The following DRAM1 variants were observed in gnomAD, a reference collection of about 807,000 sequenced individuals.
DRAM1 encodes DNA damage regulated autophagy modulator 1.
DRAM1 carries 25 observed loss-of-function variants against 28.5 expected under a neutral mutation model. That is an observed-to-expected ratio of 0.88 (90% CI 0.64 to 1.23). DRAM1 has a LOEUF of 1.23. Ranked by LOEUF, DRAM1 falls within the 50% of genes most tolerant of loss-of-function variation. The pLI, the probability that DRAM1 is intolerant of heterozygous loss-of-function variation, is 0.00. For missense variants in DRAM1, 249 were observed against 299.2 expected, an observed-to-expected ratio of 0.83 and a Z score of 1.24; for synonymous variants, 113 against 114.2, an observed-to-expected ratio of 0.99 and a Z score of 0.07.
chr12:101,915,771 A>G (rs1874217252), intron 5 of DRAM1, among the ~76,000 whole-genome samples: 1 of 152,094 alleles, frequency 6.6e-6, no homozygotes, highest in African/African-American at 2.4e-5. Flanking sequence ...CGTGTTAGCC[A>G]GGATGGTCTT....
intron 1 of DRAM1, among the ~76,000 whole-genome samples, chr12:101,893,910 G>A (rs561747847): frequency 6.9e-6 from 1 of 144,898 alleles, no homozygotes; most frequent in African/African-American, 2.8e-5. Flanking sequence ...CCCTTCACCT[G>A]TATGTTTTTT....
intron 5 of DRAM1, among the ~76,000 whole-genome samples, chr12:101,914,554 C>T (rs1243196838): frequency 6.6e-6 from 1 of 150,400 alleles, no homozygotes; most frequent in African/African-American, 2.5e-5. Context: ...GCAATCTCAG[C>T]TTACTGCAAC....
At chr12:101,881,960 T>A (rs1872700267) in intron 1 of DRAM1, among the ~76,000 whole-genome samples, 1 of 152,192 alleles carries the variant, frequency 6.6e-6, no homozygotes, top group African/African-American at 2.4e-5. Context: ...ATTTCTTGGG[T>A]ACTCACTCTT....
chr12:101,914,086 A>G, intron 4 of DRAM1, 88 bp from the exon 5 acceptor site: 1 of 774,990 alleles, frequency 1.3e-6, no homozygotes, highest in Non-Finnish European at 1.9e-6. Context: ...ACACCTTATA[A>G]TGATTATGTT....
chr12:101,919,284 G>GCACACA (rs545205706), intron 5 of DRAM1, among the ~76,000 whole-genome samples: 1 of 147,518 alleles, frequency 6.8e-6, no homozygotes, highest in Non-Finnish European at 1.5e-5. Context: ...ACACACACAC[G>GCACACA]CACACACACA....
chr12:101,880,078 C>T lies in DRAM1; in HGVS notation c.131+2158C>T, dbSNP rs148058612. On this transcript the variant is annotated intron_variant, in intron 1 of 6. Coordinates refer to ENST00000258534, the MANE Select transcript of DRAM1 (RefSeq NM_018370.3). The stretch of plus-strand genomic sequence containing the variant: ...TTGTTTGTTTTTTCAGACAAAGTCT[C>T]GCTCTGTTGCCCAGTCTGTGGTGTG... Among the ~76,000 whole-genome samples the T allele has an allele frequency of 2.6e-3, 395 of 151,792 alleles. 1 individual carries two copies. The highest frequency in any genetic ancestry group is 8.5e-3 in the African/African-American group (353 of 41,418).
chr12:101,907,199 CA>C (rs397965756), intron 3 of DRAM1, among the ~76,000 whole-genome samples: 154 of 85,148 alleles, frequency 1.8e-3, no homozygotes, highest in Middle Eastern at 6.4e-3. Flanking sequence ...GACCCTGTCT[CA>C]AAAAAAAAAA....
intron 1 of DRAM1, among the ~76,000 whole-genome samples, chr12:101,885,933 C>T (rs546120596): frequency 6.6e-6 from 1 of 152,278 alleles, no homozygotes; most frequent in East Asian, 1.9e-4. Flanking sequence ...GGTTTGTCCA[C>T]AGCATTTGTG....
At position 101,877,605 on chromosome 12, in the gene DRAM1, C is replaced by A. The variant is rs1594285874; in HGVS notation, c.-185C>A. The A allele has an allele frequency of 3.0e-6, 1 of 333,674 alleles. No homozygotes were observed. The highest frequency in any genetic ancestry group is 5.2e-6 in the Non-Finnish European group (1 of 192,746). 20.7% of individuals were successfully genotyped at this position (333,674 alleles called of 1,614,324 possible). On this transcript the variant is annotated 5_prime_UTR_variant, in exon 1 of 7. Transcript: ENST00000258534. The surrounding 1 kb of genome is among the most constrained non-coding windows in gnomAD (Gnocchi z 4.1). Reference sequence around the variant, plus strand: ...ACTCTGGCCCGGCAGCCTCGCCGCCCGCAGCCTCGCTCCGCTCCTCGCGCT... The same window carrying A: ...ACTCTGGCCCGGCAGCCTCGCCGCCAGCAGCCTCGCTCCGCTCCTCGCGCT...
intron 5 of DRAM1, among the ~76,000 whole-genome samples, chr12:101,916,517 C>T (rs192524545): frequency 1.4e-4 from 22 of 152,094 alleles, no homozygotes; most frequent in Non-Finnish European, 1.2e-4. Context: ...ACATTTTGGA[C>T]CAAGCATCAG....
In DRAM1 at chr12:101,922,347, G is replaced by A. The variant is rs1383936333; in HGVS notation, c.*1087G>A. On this transcript the variant is annotated 3_prime_UTR_variant, in exon 7 of 7. Transcript: ENST00000258534. Reference sequence around the variant, plus strand: ...AAAGCAAGTTATTCCAGAGGAAGAAGCAGCCCTTGAAATGTTAAGGCTTAG... The same window carrying A: ...AAAGCAAGTTATTCCAGAGGAAGAAACAGCCCTTGAAATGTTAAGGCTTAG... 1 of 152,308 alleles carries A rather than the reference G, an allele frequency of 6.6e-6. No homozygotes were observed. Among genetic ancestry groups the A allele is most frequent in the Non-Finnish European group, 1.5e-5 (1 of 68,076 alleles). The allele number at this position is 152,308 out of a possible 1,614,324, so 9.4% of individuals were successfully genotyped here. A position where few individuals can be genotyped will look rare whatever the true frequency, so the allele number is the denominator to read the frequency against.
rs1873546359 is a variant in DRAM1, at chr12:101,900,224, C to T, written c.200-1067C>T. On this transcript the variant is annotated intron_variant, in intron 2 of 6. Coordinates refer to ENST00000258534, the MANE Select transcript of DRAM1 (RefSeq NM_018370.3). The stretch of plus-strand genomic sequence containing the variant: ...TTTACTATCCTCCTCACATCATACA[C>T]AAAAACCAATTGCAATTTAATAGAC... Among the ~76,000 whole-genome samples the T allele has an allele frequency of 2.0e-5, 3 of 152,088 alleles. No individual in the cohort carries two copies. In the South Asian group the frequency reaches 6.2e-4, roughly 32 times the overall value.
At chr12:101,910,956 C>G (rs1452303384) in intron 4 of DRAM1, among the ~76,000 whole-genome samples, 1 of 152,086 alleles carries the variant, frequency 6.6e-6, no homozygotes, top group Non-Finnish European at 1.5e-5. Flanking sequence ...TTTAAATAGG[C>G]TAGGTGCGGT....
At chr12:101,892,055 C>T (rs1873147358) in intron 1 of DRAM1, among the ~76,000 whole-genome samples, 1 of 152,134 alleles carries the variant, frequency 6.6e-6, no homozygotes, top group Non-Finnish European at 1.5e-5. Flanking sequence ...TTAGTGTTTA[C>T]TTATCTGGAT....
chr12:101,906,751 A>T, intron 3 of DRAM1, among the ~76,000 whole-genome samples: 1 of 148,756 alleles, frequency 6.7e-6, no homozygotes, highest in Non-Finnish European at 1.5e-5. Context: ...ACTACTCGGG[A>T]GGCTGGGGCA....
At chr12:101,896,897 C>T (rs535903609) in intron 1 of DRAM1, among the ~76,000 whole-genome samples, 2 of 151,836 alleles carry the variant, frequency 1.3e-5, no homozygotes, top group South Asian at 2.1e-4. Context: ...AAGTGATTCT[C>T]CTGCCTCAGC....
intron 1 of DRAM1, among the ~76,000 whole-genome samples, chr12:101,896,577 A>G (rs1488412002): frequency 1.3e-5 from 2 of 152,200 alleles, no homozygotes; most frequent in Non-Finnish European, 2.9e-5. Flanking sequence ...CAGCCTGGGT[A>G]ACATAGCAAA....
At chr12:101,906,745 C>T (rs1220979521) in intron 3 of DRAM1, among the ~76,000 whole-genome samples, 1 of 151,304 alleles carries the variant, frequency 6.6e-6, no homozygotes, top group Non-Finnish European at 1.5e-5. Flanking sequence ...ATCCCAACTA[C>T]TCGGGAGGCT....
chr12:101,914,532 G>A (rs890745183), intron 5 of DRAM1, among the ~76,000 whole-genome samples: 1 of 149,122 alleles, frequency 6.7e-6, no homozygotes, highest in African/African-American at 2.5e-5. Flanking sequence ...GCCCAGGCTG[G>A]AATGCAGTGG....
Sources: gnomAD v4.1 joint callset for allele counts (sites outside exome capture counted in the v4.1 genomes callset) on GRCh38, gnomAD v4.1.1 for gene constraint, Gnocchi (gnomAD v3.1) non-coding constraint, MANE v1.5 for transcripts, NCBI Gene and HGNC (gene_info 2026-07-23, HGNC 2026-07-21) for gene names.